RAB37: variants seen among roughly 807,000 people sequenced by gnomAD.
The protein encoded by RAB37 is RAB37, member RAS oncogene family, also known as ras-related protein Rab-37.
A neutral mutation model predicts 33.1 loss-of-function variants in RAB37; 29 were observed. The observed-to-expected ratio is 0.88, with a 90% CI of 0.65 to 1.20. RAB37 has a LOEUF of 1.20. Ranked by LOEUF, RAB37 falls within the 50% of genes most tolerant of loss-of-function variation. The pLI is 0.00. For missense variants in RAB37, 299 were observed against 301.1 expected (o/e 0.99, Z 0.05); for synonymous variants, 128 against 119.5 (o/e 1.07, Z -0.47).
chr17:74,674,182 C>T (rs545911831), intron 1 of RAB37, among the ~76,000 whole-genome samples: 5 of 152,168 alleles, frequency 3.3e-5, no homozygotes, highest in East Asian at 3.9e-4. Context: ...GCAAGTGATT[C>T]TCCCACCTCA....
Position 74,706,182 on chromosome 17 carries a change from T to C in RAB37, c.73-23074T>C, listed in dbSNP as rs906677046. On this transcript the variant is annotated intron_variant, in intron 1 of 7. Coordinates refer to the RAB37 transcript ENST00000340415. ...TTCACTATCTGGGTGACAGGTTTGATTGAGGCTCAAACCTCAGCATCATGC... is the reference window on the plus strand; with the variant it reads ...TTCACTATCTGGGTGACAGGTTTGACTGAGGCTCAAACCTCAGCATCATGC... 5.3e-5 allele frequency among the ~76,000 whole-genome samples: 8 copies of C among 151,860 alleles called. No individual in the cohort carries two copies. In the South Asian group the frequency reaches 1.0e-3, roughly 20 times the overall value.
chr17:74,704,021 A>G (rs1474247931), intron 1 of RAB37, among the ~76,000 whole-genome samples: 1 of 152,226 alleles, frequency 6.6e-6, no homozygotes, highest in East Asian at 1.9e-4. Context: ...GACTATGCTG[A>G]GCCTCTTTTT....
chr17:74,688,648 G>T (rs2032101391), intron 1 of RAB37, among the ~76,000 whole-genome samples: 1 of 151,226 alleles, frequency 6.6e-6, no homozygotes, highest in African/African-American at 2.4e-5. Context: ...AAAAAAAAGA[G>T]AACGGTTATC....
intron 2 of RAB37, 51 bp downstream of exon 2, chr17:74,740,929 C>T: frequency 2.2e-6 from 3 of 1,387,418 alleles, no homozygotes; most frequent in Non-Finnish European, 2.1e-6. Flanking sequence ...GGCTGTGGCT[C>T]AGGCATGGGG....
Position 74,705,359 on chromosome 17 carries a change from G to A in RAB37, c.73-23897G>A, listed in dbSNP as rs753945401. The A allele has an allele frequency of 4.5e-4, 295 of 658,110 alleles. 1 individual carries two copies. The highest frequency in any genetic ancestry group is 3.2e-4 in the Middle Eastern group (1 of 3,126). 40.8% of individuals were successfully genotyped at this position (658,110 alleles called of 1,614,324 possible). ...CTTTGAAGTTGATCAAAACAGCAACGGCAACTGGTCTCCATGTGCTATAGG... is the reference window on the plus strand; with the variant it reads ...CTTTGAAGTTGATCAAAACAGCAACAGCAACTGGTCTCCATGTGCTATAGG... On this transcript the variant is annotated intron_variant, in intron 1 of 7. Coordinates refer to the RAB37 transcript ENST00000340415.
intron 1 of RAB37, among the ~76,000 whole-genome samples, chr17:74,712,050 C>T (rs2034005704): frequency 6.6e-6 from 1 of 151,456 alleles, no homozygotes; most frequent in Non-Finnish European, 1.5e-5. Context: ...TAGCTGGGAC[C>T]ATAGGCACAT....
At position 74,745,992 on chromosome 17, in the gene RAB37, G is replaced by C. The variant is rs1203498494; in HGVS notation, c.*581G>C. 1 of 153,586 alleles carries C rather than the reference G, an allele frequency of 6.5e-6. No homozygotes were observed. Among genetic ancestry groups the C allele is most frequent in the Non-Finnish European group, 1.5e-5 (1 of 68,964 alleles). The allele number at this position is 153,586 out of a possible 1,614,324, so 9.5% of individuals were successfully genotyped here. ...TATGGAGATGGGAGGGGGAGGACAA[G>C]GGGCAGAGAGTAGGGTCTAGCTGGC... On this transcript the variant is annotated 3_prime_UTR_variant, in exon 9 of 9. Coordinates refer to ENST00000392613, the MANE Select transcript of RAB37 (RefSeq NM_001006638.3). The surrounding 1 kb of genome is among the most constrained non-coding windows in gnomAD (Gnocchi z 4.5).
chr17:74,732,677 C>CTTGATGTGTGTGTG (rs2034403781), upstream of RAB37, among the ~76,000 whole-genome samples: 3 of 42,364 alleles, frequency 7.1e-5, no homozygotes, highest in South Asian at 6.1e-4. Flanking sequence ...GTGTATGTGG[C>CTTGATGTGTGTGTG]GTGAGATGTG....
rs553765985 is a variant in RAB37 at position 74,744,191 on chromosome 17, G to A, written c.367-117G>A. On this transcript the variant is annotated intron_variant, in intron 5 of 8. Transcript: ENST00000392613. The surrounding 1 kb of genome is among the most constrained non-coding windows in gnomAD (Gnocchi z 4.2). ...GGCCAGAACAAAGGTACAGATGAGA[G>A]AACGCACAGGGTATCGTGTTCAAGG... 2 of 995,470 alleles carry A rather than the reference G, an allele frequency of 2.0e-6. No individual in the cohort carries two copies. The highest frequency in any genetic ancestry group is 1.6e-5 in the African/African-American group (1 of 62,228). The allele number at this position is 995,470 out of a possible 1,614,324, so 61.7% of individuals were successfully genotyped here. A position where few individuals can be genotyped will look rare whatever the true frequency, so the allele number is the denominator to read the frequency against.
chr17:74,695,069 G>C, intron 1 of RAB37: 1 of 1,603,478 alleles, frequency 6.2e-7, no homozygotes, highest in South Asian at 1.1e-5. Context: ...CACAGCCTGG[G>C]GTCCAAGAAG....
rs771111907 is a variant in RAB37 at position 74,744,968 on chromosome 17, C to A, written c.489+39C>A. ...TGTGGGACAGGGTGAAGGGTGGGGG[C>A]AACCCGACGCTGGCCCTGAGGACAC... On this transcript the variant is annotated intron_variant, in intron 7 of 8. Transcript: ENST00000392613. This position sits in a 1 kb window ranked among gnomAD's most constrained non-coding sequence, Gnocchi z 4.2. The A allele has an allele frequency of 2.0e-4, 322 of 1,614,020 alleles. No homozygotes were observed. The highest frequency in any genetic ancestry group is 2.7e-4 in the Non-Finnish European group (315 of 1,179,944).
chr17:74,686,298 G>A (rs1476927276), intron 1 of RAB37, among the ~76,000 whole-genome samples: 1 of 151,944 alleles, frequency 6.6e-6, no homozygotes, highest in Non-Finnish European at 1.5e-5. Context: ...TCACCATGTT[G>A]GCCAGGCTGG....
Position 74,740,794 on chromosome 17 carries a change from C to G in RAB37, c.120C>G (p.Val40=). 1.2e-6 allele frequency: 2 copies of G among 1,614,042 alleles called. No individual in the cohort carries two copies. Among genetic ancestry groups the G allele is most frequent in the Non-Finnish European group, 1.7e-6 (2 of 1,179,968 alleles). The change falls in exon 2 of 9, where the codon GTC becomes GTG. Residue 40 remains valine (V), a synonymous_variant. Transcript: ENST00000392613. ...GKVMLLGDTG[V]GKTCFLIQFK... ...TGATGCTTCTGGGAGACACAGGCGTCGGCAAAACATGTTTCCTGATCCAAT... is the reference window on the plus strand; with the variant it reads ...TGATGCTTCTGGGAGACACAGGCGTGGGCAAAACATGTTTCCTGATCCAAT...
chr17:74,739,857 A>G (rs113759123), intron 1 of RAB37, among the ~76,000 whole-genome samples: 11,809 of 152,062 alleles, frequency 0.078, 634 homozygotes, highest in East Asian at 0.15. Context: ...TAAACATAAA[A>G]TGTCATTAGA....
At chr17:74,694,365 A>T (rs2032239725) in intron 1 of RAB37, 1 of 152,192 alleles carries the variant, frequency 6.6e-6, no homozygotes, top group Non-Finnish European at 1.5e-5. Context: ...GGAGGCCAGG[A>T]GCTCAAGATC....
At chr17:74,703,429 A>G (rs1192340956) in intron 1 of RAB37, among the ~76,000 whole-genome samples, 1 of 152,078 alleles carries the variant, frequency 6.6e-6, no homozygotes, top group Non-Finnish European at 1.5e-5. Flanking sequence ...AACTTGAGCA[A>G]CCTGCTGCTT....
At chr17:74,723,894 A>G (rs1461092636) in intron 1 of RAB37, among the ~76,000 whole-genome samples, 1 of 152,032 alleles carries the variant, frequency 6.6e-6, no homozygotes, top group Non-Finnish European at 1.5e-5. Flanking sequence ...CATAAATGCG[A>G]AGAGAAACAC....
chr17:74,714,823 A>G (rs1477445097), intron 1 of RAB37, among the ~76,000 whole-genome samples: 1 of 152,152 alleles, frequency 6.6e-6, no homozygotes, highest in Non-Finnish European at 1.5e-5. Context: ...GACTGGGGAT[A>G]TAAAAGGATT....
At chr17:74,733,615 G>A (rs555578562), upstream of RAB37, among the ~76,000 whole-genome samples, 778 of 95,978 alleles carry the variant, frequency 8.1e-3, 5 homozygotes, top group Non-Finnish European at 0.014. Context: ...GGGTGCACAC[G>A]TGTGAGTGTC....
Sources: gnomAD v4.1 joint callset for allele counts (sites outside exome capture counted in the v4.1 genomes callset) on GRCh38, gnomAD v4.1.1 for gene constraint, Gnocchi (gnomAD v3.1) non-coding constraint, MANE v1.5 for transcripts, NCBI Gene and HGNC (gene_info 2026-07-23, HGNC 2026-07-21) for gene names.